SLC17A8: variants seen among roughly 807,000 people sequenced by gnomAD.
SLC17A8 encodes the protein solute carrier family 17 member 8.
In SLC17A8, 31 loss-of-function variants were observed where a neutral mutation model predicts 58.0. The observed-to-expected ratio is 0.53, with a 90% CI of 0.40 to 0.72. The LOEUF is 0.72. Ranked by LOEUF, SLC17A8 falls within the 30% of genes least tolerant of loss-of-function variation. SLC17A8 has a pLI of 0.00. For missense variants in SLC17A8, 655 were observed against 727.8 expected, an observed-to-expected ratio of 0.90 and a Z score of 1.15; for synonymous variants, 228 against 249.0, an observed-to-expected ratio of 0.92 and a Z score of 0.79.
chr12:100,384,374 T>G (rs1952658487), intron 2 of SLC17A8, among the ~76,000 whole-genome samples: 1 of 151,952 alleles, frequency 6.6e-6, no homozygotes, highest in Non-Finnish European at 1.5e-5. Flanking sequence ...CCAAGGTGGG[T>G]GGATCACCTG....
At chr12:100,392,280 A>G (rs1422766970) in intron 3 of SLC17A8, among the ~76,000 whole-genome samples, 1 of 152,218 alleles carries the variant, frequency 6.6e-6, no homozygotes, top group Non-Finnish European at 1.5e-5. Flanking sequence ...CATTTTTAAA[A>G]AAGAGAGAAA....
intron 1 of SLC17A8, among the ~76,000 whole-genome samples, chr12:100,361,218 C>T (rs1952481956): frequency 6.6e-6 from 1 of 152,192 alleles, no homozygotes; most frequent in South Asian, 2.1e-4. Flanking sequence ...GAGTTAAAGC[C>T]AGTGCCCTTT....
intron 1 of SLC17A8, among the ~76,000 whole-genome samples, chr12:100,359,079 G>A (rs535208309): frequency 2.6e-4 from 40 of 152,180 alleles, no homozygotes; most frequent in Non-Finnish European, 4.0e-4. Context: ...AGGTTGCAGC[G>A]AGCCAAGATT....
chr12:100,366,372 A>G (rs181854903), intron 1 of SLC17A8, among the ~76,000 whole-genome samples: 43 of 152,268 alleles, frequency 2.8e-4, no homozygotes, highest in Middle Eastern at 3.4e-3. Flanking sequence ...GGATGGGTCC[A>G]TGGACATGAA....
At position 100,421,658 on chromosome 12, in the gene SLC17A8, G is replaced by GTTTTTTTT. The variant is rs59689031; in HGVS notation, c.*1514_*1521dup. The GTTTTTTTT allele has an allele frequency of 1.6e-3, 177 of 109,782 alleles. 1 individual carries two copies. The highest frequency in any genetic ancestry group is 3.8e-3 in the African/African-American group (96 of 25,104). The allele number at this position is 109,782 out of a possible 1,614,324, so 6.8% of individuals were successfully genotyped here. A position where few individuals can be genotyped will look rare whatever the true frequency, so the allele number is the denominator to read the frequency against. ...TACTTGTAGCTTATTATTGTAAAGT[G>GTTTTTTTT]TTTTTTTTTTTTTTTTTTTTTTCTA... On this transcript the variant is annotated 3_prime_UTR_variant, in exon 12 of 12. Coordinates refer to ENST00000323346, the MANE Select transcript of SLC17A8 (RefSeq NM_139319.3).
In SLC17A8 at chr12:100,420,234, C is replaced by T; in HGVS notation, c.*75C>T. 2 of 1,213,752 alleles carry T rather than the reference C, an allele frequency of 1.6e-6. No homozygotes were observed. Among genetic ancestry groups the T allele is most frequent in the African/African-American group, 3.0e-5 (2 of 66,592 alleles). 75.2% of individuals were successfully genotyped at this position (1,213,752 alleles called of 1,614,324 possible). A position where few individuals can be genotyped will look rare whatever the true frequency, so the allele number is the denominator to read the frequency against. ...CCATACCTATTGCCTTTCTTGTAGCCCAGCTTGCCAGAGGTCCAAATATTG... is the reference window on the plus strand; with the variant it reads ...CCATACCTATTGCCTTTCTTGTAGCTCAGCTTGCCAGAGGTCCAAATATTG... On this transcript the variant is annotated 3_prime_UTR_variant, in exon 12 of 12. Transcript: ENST00000323346.
chr12:100,403,471 A>C (rs1239753765), intron 8 of SLC17A8, among the ~76,000 whole-genome samples: 1 of 152,084 alleles, frequency 6.6e-6, no homozygotes, highest in African/African-American at 2.4e-5. Context: ...TCTGTCTAAA[A>C]AAAAAAAAGA....
At chr12:100,407,161 C>A (rs576664785) in intron 9 of SLC17A8, among the ~76,000 whole-genome samples, 3 of 152,288 alleles carry the variant, frequency 2.0e-5, no homozygotes, top group African/African-American at 7.2e-5. Flanking sequence ...ATGTTCAAGA[C>A]ACAAAAAACA....
At chr12:100,395,624 C>CT (rs748545074) in intron 4 of SLC17A8, among the ~76,000 whole-genome samples, 2,192 of 144,812 alleles carry the variant, frequency 0.015, 43 homozygotes, top group African/African-American at 0.047. Context: ...TGTGCCTGGC[C>CT]TTTTTTTTTT....
chr12:100,369,137 A>G (rs1159436549), intron 1 of SLC17A8, among the ~76,000 whole-genome samples: 1 of 152,072 alleles, frequency 6.6e-6, no homozygotes, highest in African/African-American at 2.4e-5. Context: ...TTAGCCAGGC[A>G]TGGTGGTACG....
chr12:100,374,503 T>G (rs1952580801), intron 1 of SLC17A8, among the ~76,000 whole-genome samples: 1 of 152,204 alleles, frequency 6.6e-6, no homozygotes, highest in South Asian at 2.1e-4. Flanking sequence ...TCCCAGCTAC[T>G]CGGGAGGCTG....
intron 6 of SLC17A8, 21 bp from the exon 7 acceptor site, chr12:100,402,319 C>T: frequency 5.0e-6 from 8 of 1,613,812 alleles, no homozygotes; most frequent in Non-Finnish European, 6.8e-6. Context: ...TATAACCCAG[C>T]CTTTTCTTTT....
chr12:100,406,828 G>A (rs1200413025), intron 9 of SLC17A8, among the ~76,000 whole-genome samples: 3 of 152,146 alleles, frequency 2.0e-5, no homozygotes, highest in Non-Finnish European at 2.9e-5. Context: ...GAGCCACCTC[G>A]CCTGGCCTTG....
At chr12:100,393,510 T>G (rs371819885) in intron 4 of SLC17A8, 27 bp downstream of exon 4, 2 of 1,529,090 alleles carry the variant, frequency 1.3e-6, no homozygotes, top group African/African-American at 2.7e-5. Flanking sequence ...TTACAGTTTT[T>G]GATATTGCTA....
chr12:100,380,820 A>G lies in SLC17A8; in HGVS notation c.221A>G (p.Lys74Arg). The change falls in exon 2 of 12, where the codon AAG (lysine) becomes AGG (arginine). Residue 74 changes from lysine to arginine, a missense_variant. By Grantham distance (26) the Lys-to-Arg change is conservative. Transcript: ENST00000323346. ...GACTGCCACTGCTGCGGCCTCCCCA[A>G]GCGTTACATCATTGCTATCATGAGT... ...LCDCHCCGLP[K>R]RYIIAIMSGL... is the part of the protein sequence containing the mutation. 3 of 1,614,088 alleles carry G rather than the reference A, an allele frequency of 1.9e-6. No individual in the cohort carries two copies. Among genetic ancestry groups the G allele is most frequent in the South Asian group, 1.1e-5 (1 of 91,068 alleles).
chr12:100,373,600 T>A (rs958715712), intron 1 of SLC17A8, among the ~76,000 whole-genome samples: 2 of 103,056 alleles, frequency 1.9e-5, no homozygotes, highest in African/African-American at 4.2e-5. Flanking sequence ...TTTTTTTTTT[T>A]CCGAGACAGA....
At chr12:100,391,487 TAG>T in intron 3 of SLC17A8, among the ~76,000 whole-genome samples, 1 of 151,830 alleles carries the variant, frequency 6.6e-6, no homozygotes, top group Non-Finnish European at 1.5e-5. Context: ...GTATTTTTGG[TAG>T]AGACGAGGTT....
At chr12:100,369,143 G>T (rs951240258) in intron 1 of SLC17A8, among the ~76,000 whole-genome samples, 2 of 152,102 alleles carry the variant, frequency 1.3e-5, no homozygotes, top group Non-Finnish European at 2.9e-5. Flanking sequence ...AGGCATGGTG[G>T]TACGTGCCTG....
chr12:100,384,444 T>C (rs1952658805), intron 2 of SLC17A8, among the ~76,000 whole-genome samples: 1 of 151,980 alleles, frequency 6.6e-6, no homozygotes, highest in Non-Finnish European at 1.5e-5. Flanking sequence ...TACTAAAAAA[T>C]ACAAAAAATT....
Sources: gnomAD v4.1 joint callset for allele counts (sites outside exome capture counted in the v4.1 genomes callset) on GRCh38, gnomAD v4.1.1 for gene constraint, MANE v1.5 for transcripts, NCBI Gene and HGNC (gene_info 2026-07-23, HGNC 2026-07-21) for gene names.